The following PRKG1 variants were observed in gnomAD, a reference collection of about 807,000 sequenced individuals.
PRKG1 encodes the protein protein kinase cGMP-dependent 1, also known as cGMP-dependent protein kinase 1.
Under a neutral mutation model 88.1 loss-of-function variants are expected in PRKG1, and 35 were observed. The observed-to-expected ratio is 0.40, with a 90% CI of 0.30 to 0.53. The LOEUF (loss-of-function observed/expected upper bound fraction) is 0.53. Among genes scored for constraint, PRKG1 ranks in the 20% least tolerant of loss-of-function variants. The pLI, the probability that PRKG1 is intolerant of heterozygous loss-of-function variation, is 0.59. For synonymous variants in PRKG1, 303 were observed against 292.5 expected (o/e 1.04, Z -0.37); for missense variants, 540 against 839.8 (o/e 0.64, Z 4.41).
chr10:52,007,069 G>A (rs1844755775), intron 5 of PRKG1, among the ~76,000 whole-genome samples: 1 of 152,144 alleles, frequency 6.6e-6, no homozygotes, highest in Admixed American at 6.5e-5. Flanking sequence ...TTTCAGAGAA[G>A]CAAATGGTGA....
chr10:51,515,211 A>G (rs894467711), intron 3 of PRKG1, among the ~76,000 whole-genome samples: 1 of 152,226 alleles, frequency 6.6e-6, no homozygotes, highest in Non-Finnish European at 1.5e-5. Context: ...CAACCAAGAA[A>G]GACAAAATAG....
At chr10:51,547,536 G>A (rs570343845) in intron 3 of PRKG1, among the ~76,000 whole-genome samples, 20 of 151,998 alleles carry the variant, frequency 1.3e-4, no homozygotes, top group Non-Finnish European at 2.6e-4. Context: ...GATTTTATAG[G>A]ACACTGAAAG....
chr10:51,540,643 C>T (rs10998020), intron 3 of PRKG1, among the ~76,000 whole-genome samples: 6,276 of 152,190 alleles, frequency 0.041, 274 homozygotes, highest in Admixed American at 0.13. Flanking sequence ...TTATTTTATA[C>T]TTTTAAGTAA....
At chr10:51,328,807 T>C (rs1163250876) in intron 2 of PRKG1, among the ~76,000 whole-genome samples, 1 of 152,238 alleles carries the variant, frequency 6.6e-6, no homozygotes, top group East Asian at 1.9e-4. Context: ...TTTGTTTGTC[T>C]TATTTTGAGA....
chr10:51,562,433 C>T (rs764483892), intron 3 of PRKG1, among the ~76,000 whole-genome samples: 17 of 151,998 alleles, frequency 1.1e-4, no homozygotes, highest in Non-Finnish European at 1.9e-4. Flanking sequence ...CTCAAGATTT[C>T]TAAGTGGAGA....
In PRKG1 at chr10:51,425,712, C is replaced by A. The variant is rs539317765; in HGVS notation, c.479-42011C>A. ...GCCAAGCCCAGCGTGGTTCAAAAGG[C>A]TTTCTGGATTCCAAAGAAAACATGC... is the stretch of plus-strand genomic sequence containing the variant. On this transcript the variant is annotated intron_variant, in intron 2 of 17. Transcript: ENST00000373980. Among the ~76,000 whole-genome samples the A allele has an allele frequency of 8.4e-4, 128 of 152,264 alleles. 2 individuals carry two copies. The South Asian group carries it at 0.026, about 31-fold the overall frequency.
At chr10:51,693,785 T>C (rs1363900611) in intron 3 of PRKG1, among the ~76,000 whole-genome samples, 2 of 152,170 alleles carry the variant, frequency 1.3e-5, no homozygotes, top group Non-Finnish European at 2.9e-5. Flanking sequence ...ACAAACATGA[T>C]AGTTAATATT....
At chr10:51,162,883 A>AT (rs1373453947) in intron 2 of PRKG1, among the ~76,000 whole-genome samples, 2 of 151,788 alleles carry the variant, frequency 1.3e-5, no homozygotes, top group South Asian at 2.1e-4. Context: ...ATACCCATCT[A>AT]TTTTTTTGGA....
At chr10:51,440,431 C>A (rs1002194839) in intron 2 of PRKG1, among the ~76,000 whole-genome samples, 1 of 151,532 alleles carries the variant, frequency 6.6e-6, no homozygotes, top group Non-Finnish European at 1.5e-5. Flanking sequence ...TTTTTCAGAT[C>A]GAAAAATTTA....
At chr10:51,653,686 C>A (rs1840095212) in intron 3 of PRKG1, among the ~76,000 whole-genome samples, 1 of 152,040 alleles carries the variant, frequency 6.6e-6, no homozygotes, top group African/African-American at 2.4e-5. Context: ...CTTGCCTCAG[C>A]CTCCCAAGTA....
chr10:52,199,356 C>T (rs1269958591), intron 9 of PRKG1, among the ~76,000 whole-genome samples: 1 of 152,046 alleles, frequency 6.6e-6, no homozygotes, highest in Non-Finnish European at 1.5e-5. Flanking sequence ...CTCCACATCC[C>T]CCTGAATCAA....
chr10:52,046,290 A>T (rs1177213128), intron 5 of PRKG1, among the ~76,000 whole-genome samples: 1 of 152,104 alleles, frequency 6.6e-6, no homozygotes, highest in African/African-American at 2.4e-5. Context: ...TGTAAAGTAC[A>T]TGCACTCATC....
chr10:51,863,610 C>A (rs541162528), intron 4 of PRKG1, among the ~76,000 whole-genome samples: 1 of 152,214 alleles, frequency 6.6e-6, no homozygotes, highest in South Asian at 2.1e-4. Context: ...ATGTTTAGTT[C>A]ATGAGAATGT....
chr10:51,095,761 C>T (rs1844513177), intron 1 of PRKG1, among the ~76,000 whole-genome samples: 1 of 152,074 alleles, frequency 6.6e-6, no homozygotes, highest in African/African-American at 2.4e-5. Context: ...ATTTACACAC[C>T]TTCCCAATGA....
chr10:52,096,827 G>C (rs917765818), intron 7 of PRKG1, among the ~76,000 whole-genome samples: 1 of 152,022 alleles, frequency 6.6e-6, no homozygotes, highest in Non-Finnish European at 1.5e-5. Flanking sequence ...TTAATACCTA[G>C]GAAGGCAAAT....
chr10:51,188,257 GAC>G (rs748577157), intron 2 of PRKG1, among the ~76,000 whole-genome samples: 37 of 151,902 alleles, frequency 2.4e-4, no homozygotes, highest in Non-Finnish European at 4.7e-4. Context: ...ATTTTTTGAT[GAC>G]ACAGATTCTA....
chr10:51,172,067 G>A lies in PRKG1; in HGVS notation c.478+18737G>A, dbSNP rs187901467. 1.6e-4 allele frequency among the ~76,000 whole-genome samples: 25 copies of A among 152,034 alleles called. 1 individual carries two copies. The highest frequency in any genetic ancestry group is 1.2e-3 in the East Asian group (6 of 5,160). On this transcript the variant is annotated intron_variant, in intron 2 of 17. Coordinates refer to ENST00000373980, the MANE Select transcript of PRKG1 (RefSeq NM_006258.4). ...TTATTATTTGGGATGAAGTCATGAT[G>A]AGCAATTGTTTATGTTTTTCAAAGG...
chr10:51,453,100 G>C (rs1839484523), intron 2 of PRKG1, among the ~76,000 whole-genome samples: 1 of 151,886 alleles, frequency 6.6e-6, no homozygotes, highest in Non-Finnish European at 1.5e-5. Flanking sequence ...TGGTAGCCTT[G>C]AATGATCCTT....
intron 2 of PRKG1, among the ~76,000 whole-genome samples, chr10:51,196,552 A>G (rs1357899822): frequency 6.6e-6 from 1 of 152,212 alleles, no homozygotes; most frequent in East Asian, 1.9e-4. Context: ...AATTGCTTAG[A>G]ACATACATAA....
Sources: gnomAD v4.1 joint callset for allele counts (sites outside exome capture counted in the v4.1 genomes callset) on GRCh38, gnomAD v4.1.1 for gene constraint, MANE v1.5 for transcripts, NCBI Gene and HGNC (gene_info 2026-07-23, HGNC 2026-07-21) for gene names.